Variants in ANKS1B observed in about 807,000 individuals in gnomAD.
ANKS1B encodes the protein ankyrin repeat and sterile alpha motif domain containing 1B, also known as ankyrin repeat and sterile alpha motif domain-containing protein 1B.
A neutral mutation model predicts 148.3 loss-of-function variants in ANKS1B; 36 were observed. The ratio of observed to expected loss-of-function variants is 0.24; its 90% confidence interval spans 0.19 to 0.32. The LOEUF is 0.32. Ranked by LOEUF, ANKS1B falls within the 10% of genes least tolerant of loss-of-function variation. The pLI is 1.00. For synonymous variants in ANKS1B, 542 were observed against 560.8 expected, an observed-to-expected ratio of 0.97 and a Z score of 0.47; for missense variants, 1,157 against 1,542.6, an observed-to-expected ratio of 0.75 and a Z score of 4.19.
intron 12 of ANKS1B, among the ~76,000 whole-genome samples, chr12:99,363,956 C>T (rs924054426): frequency 6.6e-6 from 1 of 152,004 alleles, no homozygotes; most frequent in African/African-American, 2.4e-5. Flanking sequence ...GAAAACTAGG[C>T]ATGTTTCCAA....
chr12:99,875,381 T>C (rs904782104), intron 1 of ANKS1B, among the ~76,000 whole-genome samples: 5 of 152,048 alleles, frequency 3.3e-5, no homozygotes, highest in Non-Finnish European at 7.4e-5. Flanking sequence ...TTAAAATGTA[T>C]AGAGTGCTTT....
chr12:99,312,240 A>C (rs968943814), intron 12 of ANKS1B, among the ~76,000 whole-genome samples: 1 of 152,176 alleles, frequency 6.6e-6, no homozygotes, highest in African/African-American at 2.4e-5. Flanking sequence ...ATGATGTCGG[A>C]AGTGCTGGCT....
At chr12:99,195,499 A>T (rs1037284397) in intron 14 of ANKS1B, among the ~76,000 whole-genome samples, 6 of 152,158 alleles carry the variant, frequency 3.9e-5, no homozygotes, top group African/African-American at 1.4e-4. Context: ...ATTGGCAAGG[A>T]CTATAAAAGT....
chr12:98,874,333 G>A (rs1396561048), intron 17 of ANKS1B, among the ~76,000 whole-genome samples: 1 of 152,144 alleles, frequency 6.6e-6, no homozygotes, highest in East Asian at 1.9e-4. Flanking sequence ...AAATTTGATT[G>A]CTTTTCTGAT....
At chr12:99,769,358 G>A (rs1216235614) in intron 8 of ANKS1B, among the ~76,000 whole-genome samples, 1 of 152,090 alleles carries the variant, frequency 6.6e-6, no homozygotes, top group African/African-American at 2.4e-5. Flanking sequence ...TGGTATCTGA[G>A]GGCATCAGTA....
At chr12:99,126,834 A>T (rs2064515952) in intron 15 of ANKS1B, among the ~76,000 whole-genome samples, 1 of 152,146 alleles carries the variant, frequency 6.6e-6, no homozygotes, top group African/African-American at 2.4e-5. Flanking sequence ...CTTCTTATCG[A>T]TTAAGAGTCT....
chr12:99,536,301 G>C (rs905667171), intron 9 of ANKS1B, among the ~76,000 whole-genome samples: 2 of 152,212 alleles, frequency 1.3e-5, no homozygotes, highest in African/African-American at 2.4e-5. Flanking sequence ...GTTGATAATG[G>C]GGGAAGCTAC....
intron 8 of ANKS1B, among the ~76,000 whole-genome samples, chr12:99,677,281 G>C (rs753306508): frequency 3.3e-5 from 5 of 152,126 alleles, no homozygotes; most frequent in Non-Finnish European, 7.3e-5. Flanking sequence ...TTACAAAATT[G>C]ACATGACTTA....
chr12:99,806,216 T>G (rs2067626322), intron 4 of ANKS1B, among the ~76,000 whole-genome samples, 188 bp downstream of exon 4: 3 of 152,220 alleles, frequency 2.0e-5, no homozygotes, highest in Admixed American at 2.0e-4. Context: ...AGAATGAGGT[T>G]AGAGATTATG....
intron 1 of ANKS1B, among the ~76,000 whole-genome samples, chr12:99,862,068 G>A (rs1373960497): frequency 6.6e-6 from 1 of 152,082 alleles, no homozygotes; most frequent in Non-Finnish European, 1.5e-5. Flanking sequence ...AATAGCTCTA[G>A]AACTAATTTT....
At chr12:99,155,457 C>T (rs957552478) in intron 14 of ANKS1B, among the ~76,000 whole-genome samples, 1 of 152,202 alleles carries the variant, frequency 6.6e-6, no homozygotes, top group East Asian at 1.9e-4. Flanking sequence ...CACAAGAAAT[C>T]CTTTTTCCCC....
At chr12:99,665,733 G>A (rs1186957590) in intron 8 of ANKS1B, among the ~76,000 whole-genome samples, 7 of 152,118 alleles carry the variant, frequency 4.6e-5, no homozygotes, top group Non-Finnish European at 7.4e-5. Context: ...TGATCCGCCC[G>A]CCTCAGCCTC....
Position 98,837,173 on chromosome 12 carries a change from T to TAA in ANKS1B, c.2779-5038_2779-5037insTT, listed in dbSNP as rs1279337139. ...AGTGAAACCCCGTCTCTATTAAAAA[T>TAA]ACAAAAAAAAAAAATTAGCCAGGCA... is the stretch of plus-strand genomic sequence containing the variant. On this transcript the variant is annotated intron_variant, in intron 17 of 26. Transcript: ENST00000683438. 6.3e-3 allele frequency among the ~76,000 whole-genome samples: 472 copies of TAA among 75,272 alleles called. 5 individuals carry two copies. Among genetic ancestry groups the TAA allele is most frequent in the African/African-American group, 0.014 (443 of 31,632 alleles). 49.4% of individuals were successfully genotyped at this position (75,272 alleles called of 152,430 possible). A position where few individuals can be genotyped will look rare whatever the true frequency, so the allele number is the denominator to read the frequency against.
intron 8 of ANKS1B, among the ~76,000 whole-genome samples, chr12:99,731,413 CGT>C (rs71088145): frequency 0.12 from 17,235 of 143,378 alleles, 1,351 homozygotes; most frequent in East Asian, 0.3. Flanking sequence ...ACCACCGTGC[CGT>C]GTGTGTGTGT....
intron 1 of ANKS1B, among the ~76,000 whole-genome samples, chr12:99,982,520 C>T (rs928866708): frequency 3.9e-5 from 6 of 152,120 alleles, no homozygotes; most frequent in Non-Finnish European, 8.8e-5. Context: ...ATTCTTTCAG[C>T]ATACCAGTTT....
chr12:98,745,280 C>G lies in ANKS1B; in HGVS notation c.*459G>C. On this transcript the variant is annotated 3_prime_UTR_variant, in exon 27 of 27. Coordinates refer to ENST00000683438, the MANE Select transcript of ANKS1B (RefSeq NM_001352186.2). ...CAATGATAGAATGATTTTACAGATG[C>G]TTTGGAGGTGGGAGGGGTAGTGCTG... 1.0e-6 allele frequency: 1 copy of G among 983,772 alleles called. No individual in the cohort carries two copies. Among genetic ancestry groups the G allele is most frequent in the Non-Finnish European group, 1.2e-6 (1 of 829,890 alleles). The allele number at this position is 983,772 out of a possible 1,614,324, so 60.9% of individuals were successfully genotyped here.
In ANKS1B at chr12:98,965,116, C is replaced by A. The variant is rs185218311; in HGVS notation, c.2778+88041G>T. ...CATACCTACAAAAATAAAAAAAAAA[C>A]CCCTGGACTCTGGAGTCAGATTCAT... is the stretch of plus-strand genomic sequence containing the variant. On this transcript the variant is annotated intron_variant, in intron 17 of 26. Coordinates refer to ENST00000683438, the MANE Select transcript of ANKS1B (RefSeq NM_001352186.2). 4.1e-3 allele frequency among the ~76,000 whole-genome samples: 623 copies of A among 151,520 alleles called. 10 individuals carry two copies. In the East Asian group the frequency reaches 0.045, roughly 11 times the overall value.
chr12:99,925,628 G>A (rs536605900), intron 1 of ANKS1B, among the ~76,000 whole-genome samples: 27 of 152,112 alleles, frequency 1.8e-4, no homozygotes, highest in South Asian at 4.2e-4. Context: ...TGGACCCTAC[G>A]AGCATTTTCC....
In ANKS1B at chr12:99,053,146, G is replaced by C. The variant is rs1170250265; in HGVS notation, c.2778+11C>G. The C allele has an allele frequency of 5.6e-6, 9 of 1,597,822 alleles. No homozygotes were observed. The highest frequency in any genetic ancestry group is 6.8e-6 in the Non-Finnish European group (8 of 1,172,510). On this transcript the variant is annotated intron_variant, in intron 17 of 26. Coordinates refer to ENST00000683438, the MANE Select transcript of ANKS1B (RefSeq NM_001352186.2). ...TTGAATAGTTAAGGTGTCACTAAGA[G>C]ACCAACTTACATTAATAAGTTCAAC...
Sources: allele counts gnomAD v4.1 joint callset (sites outside exome capture counted in the v4.1 genomes callset), GRCh38; gene constraint gnomAD v4.1.1; transcripts MANE v1.5; gene names NCBI Gene and HGNC (gene_info 2026-07-23, HGNC 2026-07-21).